Variants in ANKRD31 observed in about 807,000 individuals in gnomAD.
The protein encoded by ANKRD31 is ankyrin repeat domain-containing protein 31.
ANKRD31 carries 147 observed loss-of-function variants against 186.0 expected under a neutral mutation model. The observed-to-expected ratio is 0.79, with a 90% CI of 0.69 to 0.91. The LOEUF is 0.91. Ranked by LOEUF, ANKRD31 falls within the 40% of genes least tolerant of loss-of-function variation. The pLI is 0.00. For synonymous variants in ANKRD31, 673 were observed against 736.4 expected, an observed-to-expected ratio of 0.91 and a Z score of 1.39; for missense variants, 1,986 against 2,148.8, an observed-to-expected ratio of 0.92 and a Z score of 1.50.
In ANKRD31 at chr5:75,131,113, C is replaced by T. The variant is rs557783978; in HGVS notation, c.3876+6743G>A. Among the ~76,000 whole-genome samples the T allele has an allele frequency of 9.8e-5, 15 of 152,290 alleles. No homozygotes were observed. The South Asian group carries it at 1.0e-3, about 11-fold the overall frequency. On this transcript the variant is annotated intron_variant, in intron 17 of 25. Transcript: ENST00000506364. The stretch of plus-strand genomic sequence containing the variant: ...GCCCACACCCACCCAGAACCAGCAC[C>T]GGCCCGTGAGCACCACACGCAGCCC...
chr5:75,077,818 G>A lies in ANKRD31; in HGVS notation c.5647+2750C>T, dbSNP rs796078282. ...CAGGTGCCTGTAGTCCCAGCTACTC[G>A]GGAGGCTGAGGCAGGAGAGTGGCAT... On this transcript the variant is annotated intron_variant, in intron 25 of 25. Transcript: ENST00000506364. Among the ~76,000 whole-genome samples, 227 of 151,730 alleles carry A rather than the reference G, an allele frequency of 1.5e-3. 1 individual carries two copies. Among genetic ancestry groups the A allele is most frequent in the African/African-American group, 5.3e-3 (221 of 41,398 alleles).
chr5:75,076,358 A>T (rs1744649924), intron 25 of ANKRD31, among the ~76,000 whole-genome samples: 1 of 152,146 alleles, frequency 6.6e-6, no homozygotes, highest in South Asian at 2.1e-4. Context: ...CCAAGTTTCA[A>T]TAATTGGATA....
intron 24 of ANKRD31, among the ~76,000 whole-genome samples, chr5:75,083,698 C>A (rs891875800): frequency 4.6e-5 from 7 of 151,682 alleles, no homozygotes; most frequent in Non-Finnish European, 8.8e-5. Flanking sequence ...CCATTGCACT[C>A]CAGCTTGGGC....
At chr5:75,202,226 T>C (rs550970808) in intron 5 of ANKRD31, among the ~76,000 whole-genome samples, 1 of 152,346 alleles carries the variant, frequency 6.6e-6, no homozygotes, top group African/African-American at 2.4e-5. Flanking sequence ...TTCAAATATT[T>C]TACAGAGTTG....
Position 75,137,948 on chromosome 5 carries a change from C to T in ANKRD31, c.3784G>A (p.Val1262Ile), listed in dbSNP as rs1458307363. 14 of 1,530,562 alleles carry T rather than the reference C, an allele frequency of 9.1e-6. No individual in the cohort carries two copies. Among genetic ancestry groups the T allele is most frequent in the Admixed American group, 4.0e-5 (2 of 50,152 alleles). The allele number at this position is 1,530,562 out of a possible 1,614,324, so 94.8% of individuals were successfully genotyped here. A position where few individuals can be genotyped will look rare whatever the true frequency, so the allele number is the denominator to read the frequency against. The change falls in exon 17 of 26, where the codon GTA (valine) becomes ATA (isoleucine). Residue 1262 changes from valine to isoleucine, a missense_variant. By Grantham distance (29) the Val-to-Ile change is conservative (BLOSUM62 3). Transcript: ENST00000506364. Reference protein sequence around the residue: ...ASNEGSIDIIVELLKAGAKVN... With the variant: ...ASNEGSIDIIIELLKAGAKVN... ...TTAGCACCAGCTTTTAATAACTCTA[C>T]AATTATATCAATAGATCCTTCATTA... is the stretch of plus-strand genomic sequence containing the variant.
chr5:75,175,754 G>A (rs920794724), intron 10 of ANKRD31, among the ~76,000 whole-genome samples: 1 of 152,014 alleles, frequency 6.6e-6, no homozygotes, highest in Admixed American at 6.6e-5. Context: ...TGGTTGGGGT[G>A]GAGCCAAGAT....
chr5:75,138,967 C>T lies in ANKRD31; in HGVS notation c.3612G>A (p.Arg1204=). Reference sequence around the variant, plus strand: ...CCCCTCTGGCATTCCTCTTGTTGATCCTACCTGCTTTCATTCCTGTAAATT... The same window carrying T: ...CCCCTCTGGCATTCCTCTTGTTGATTCTACCTGCTTTCATTCCTGTAAATT... ...TTCNLGMKAG[R]INKRNARGES... Residue 1204 remains arginine, a synonymous_variant, in exon 16 of 26, where the codon AGG becomes AGA. Coordinates refer to ENST00000506364, the MANE Select transcript of ANKRD31 (RefSeq NM_001372053.1). The T allele has an allele frequency of 1.3e-6, 2 of 1,536,632 alleles. No homozygotes were observed.
At chr5:75,125,186 A>G (rs889927196) in intron 17 of ANKRD31, among the ~76,000 whole-genome samples, 2 of 152,328 alleles carry the variant, frequency 1.3e-5, no homozygotes, top group Non-Finnish European at 1.5e-5. Context: ...TTAGAGAGTG[A>G]AAAGACAGCA....
intron 11 of ANKRD31, among the ~76,000 whole-genome samples, chr5:75,162,415 T>C (rs1373236661): frequency 6.6e-6 from 1 of 152,228 alleles, no homozygotes; most frequent in Non-Finnish European, 1.5e-5. Flanking sequence ...CCAATGCCTG[T>C]ACCCCCATTG....
chr5:75,155,622 G>A (rs748388034), intron 11 of ANKRD31, among the ~76,000 whole-genome samples: 13 of 152,148 alleles, frequency 8.5e-5, no homozygotes, highest in Non-Finnish European at 1.8e-4. Context: ...AGGGCAGGAA[G>A]GATATGGTGA....
chr5:75,188,454 C>T, intron 10 of ANKRD31, 39 bp downstream of exon 10: 2 of 1,506,556 alleles, frequency 1.3e-6, no homozygotes, highest in Non-Finnish European at 8.8e-7. Flanking sequence ...AAACTACAAA[C>T]CACTCTTAAG....
intron 10 of ANKRD31, among the ~76,000 whole-genome samples, chr5:75,180,306 G>T (rs1342931541): frequency 1.3e-5 from 2 of 152,216 alleles, no homozygotes; most frequent in African/African-American, 4.8e-5. Flanking sequence ...TGGCCATACT[G>T]CCCAAGGTAA....
intron 11 of ANKRD31, among the ~76,000 whole-genome samples, chr5:75,164,227 A>G (rs943885079): frequency 3.9e-5 from 6 of 152,028 alleles, no homozygotes; most frequent in Admixed American, 2.0e-4. Flanking sequence ...CCAACCCCAA[A>G]CTTTTTGTTG....
At chr5:75,193,267 G>A (rs1354129190) in intron 8 of ANKRD31, 44 bp downstream of exon 8, 1 of 1,512,400 alleles carries the variant, frequency 6.6e-7, no homozygotes, top group African/African-American at 1.4e-5. Flanking sequence ...TATCTATAAT[G>A]TCTATAGCAT....
chr5:75,175,742 G>A (rs1474451149), intron 10 of ANKRD31, among the ~76,000 whole-genome samples: 1 of 151,892 alleles, frequency 6.6e-6, no homozygotes, highest in Non-Finnish European at 1.5e-5. Context: ...AAAACACACT[G>A]TTGGTTGGGG....
chr5:75,103,100 G>C (rs1325445592), intron 22 of ANKRD31, among the ~76,000 whole-genome samples: 1 of 152,124 alleles, frequency 6.6e-6, no homozygotes, highest in Non-Finnish European at 1.5e-5. Context: ...TTTTGTATAA[G>C]GTGTAAGGAA....
In ANKRD31 at chr5:75,107,490, A is replaced by C. The variant is rs1561428166; in HGVS notation, c.4340+31T>G. On this transcript the variant is annotated intron_variant, in intron 21 of 25. Coordinates refer to ENST00000506364, the MANE Select transcript of ANKRD31 (RefSeq NM_001372053.1). ...AAATGGATAAATTCTAGAAACTCAAAAGCACTCTTTTTTTTTCTTTTTCTA... is the reference window on the plus strand; with the variant it reads ...AAATGGATAAATTCTAGAAACTCAACAGCACTCTTTTTTTTTCTTTTTCTA... 5.0e-6 allele frequency: 7 copies of C among 1,396,530 alleles called. No homozygotes were observed. The East Asian group carries it at 1.5e-4, about 30-fold the overall frequency. 86.5% of individuals were successfully genotyped at this position (1,396,530 alleles called of 1,614,324 possible). A position where few individuals can be genotyped will look rare whatever the true frequency, so the allele number is the denominator to read the frequency against.
In ANKRD31 at chr5:75,151,975, C is replaced by T. The variant is rs996902322; in HGVS notation, c.1852+2226G>A. 2.0e-5 allele frequency among the ~76,000 whole-genome samples: 3 copies of T among 152,064 alleles called. 1 individual carries two copies. The East Asian group carries it at 5.8e-4, about 29-fold the overall frequency. ...TGTTTGATACATAGCAACCCTGATA[C>T]AATGAATGAATGAATGAATGACTCT... is the stretch of plus-strand genomic sequence containing the variant. On this transcript the variant is annotated intron_variant, in intron 12 of 25. Transcript: ENST00000506364.
At chr5:75,125,055 G>T (rs1033443178) in intron 17 of ANKRD31, among the ~76,000 whole-genome samples, 1 of 152,130 alleles carries the variant, frequency 6.6e-6, no homozygotes, top group Non-Finnish European at 1.5e-5. Flanking sequence ...CCTTGGCCAA[G>T]TTACTTATCA....
Sources: allele counts gnomAD v4.1 joint callset (sites outside exome capture counted in the v4.1 genomes callset), GRCh38; gene constraint gnomAD v4.1.1; transcripts MANE v1.5; gene names NCBI Gene and HGNC (gene_info 2026-07-23, HGNC 2026-07-21).